The following LRRC47 variants were observed in gnomAD, a reference collection of about 807,000 sequenced individuals.
The protein encoded by LRRC47 is leucine rich repeat containing 47.
LRRC47 carries 31 observed loss-of-function variants against 40.9 expected under a neutral mutation model. The ratio of observed to expected loss-of-function variants is 0.76; its 90% CI spans 0.57 to 1.02. The LOEUF is 1.02. Among genes scored for constraint, LRRC47 ranks in the 50% least tolerant of loss-of-function variants. LRRC47 has a pLI of 0.00. For missense variants in LRRC47, 726 were observed against 796.1 expected, an observed-to-expected ratio of 0.91 and a Z score of 1.06; for synonymous variants, 427 against 371.9, an observed-to-expected ratio of 1.15 and a Z score of -1.70.
intron 2 of LRRC47, chr1:3,785,542 C>G (rs1437127812): frequency 1.3e-5 from 2 of 153,946 alleles, no homozygotes; most frequent in South Asian, 2.0e-4. Context: ...TTGTAAAGCC[C>G]TGGCTGTGAT....
At chr1:3,794,087 C>T (rs1343856139) in intron 1 of LRRC47, among the ~76,000 whole-genome samples, 1 of 151,682 alleles carries the variant, frequency 6.6e-6, no homozygotes, top group Non-Finnish European at 1.5e-5. Context: ...CCCAGCTACT[C>T]GGGAGGCTGA....
intron 1 of LRRC47, among the ~76,000 whole-genome samples, chr1:3,787,900 G>A (rs547022391): frequency 1.8e-4 from 27 of 152,230 alleles, no homozygotes; most frequent in African/African-American, 5.5e-4. Flanking sequence ...CAACGGCGAT[G>A]GGTTCTCAGC....
chr1:3,787,386 G>A (rs748066235), intron 1 of LRRC47, 76 bp from the exon 2 acceptor site: 15 of 1,399,808 alleles, frequency 1.1e-5, no homozygotes, highest in African/African-American at 1.4e-5. Flanking sequence ...GAGAGGCAGG[G>A]AGACCACTCA....
intron 1 of LRRC47, among the ~76,000 whole-genome samples, chr1:3,794,302 C>T (rs759332907): frequency 6.6e-6 from 1 of 152,182 alleles, no homozygotes; most frequent in Admixed American, 6.5e-5. Context: ...TCAGCTCTAT[C>T]CGGGTAGTGG....
At chr1:3,784,927 A>G (rs2996426) in intron 3 of LRRC47, 160 bp downstream of exon 3, 255,972 of 411,514 alleles carry the variant, frequency 0.62, 82,530 homozygotes, top group African/African-American at 0.89. Flanking sequence ...CCCAGGAGGC[A>G]GAGGCTGCAG....
chr1:3,782,760 G>A lies in LRRC47; in HGVS notation c.1314C>T (p.Tyr438=), dbSNP rs140553112. The A allele has an allele frequency of 2.9e-3, 4,532 of 1,556,248 alleles. 37 individuals are homozygous for A. Among genetic ancestry groups the A allele is most frequent in the African/African-American group, 0.024 (1,770 of 73,838 alleles). ...KRQSVSGLHR[Y]LHLLDGNENY... ...TTTCATTTCCATCCAGCAAGTGAAG[G>A]TATCTGTATGGGAAGAAATACAAAT... Residue 438 remains tyrosine, a synonymous_variant, in exon 5 of 7, where the codon TAC becomes TAT. Coordinates refer to ENST00000378251, the MANE Select transcript of LRRC47 (RefSeq NM_020710.3).
chr1:3,789,685 G>C (rs965767719), intron 1 of LRRC47, among the ~76,000 whole-genome samples: 29 of 152,272 alleles, frequency 1.9e-4, no homozygotes, highest in South Asian at 4.1e-4. Flanking sequence ...GGAGTCAGGG[G>C]ACAGGAAGGG....
At chr1:3,785,990 C>T (rs1170049352) in intron 2 of LRRC47, among the ~76,000 whole-genome samples, 1 of 151,984 alleles carries the variant, frequency 6.6e-6, no homozygotes, top group African/African-American at 2.4e-5. Flanking sequence ...CTGCCTCGGC[C>T]TCCCCAGTAG....
chr1:3,779,019 G>GT lies in LRRC47; in HGVS notation c.*2068dup, dbSNP rs1484467003. ...GACTGCCCAGAGCAGCAGGAATCAG[G>GT]TTTTGGGAGGACACAAGGCAAGGCA... On this transcript the variant is annotated 3_prime_UTR_variant, in exon 7 of 7. Transcript: ENST00000378251. 2.6e-5 allele frequency: 4 copies of GT among 152,414 alleles called. No homozygotes were observed. The highest frequency in any genetic ancestry group is 4.4e-5 in the Non-Finnish European group (3 of 68,190). 9.4% of individuals were successfully genotyped at this position (152,414 alleles called of 1,614,324 possible).
At chr1:3,784,639 C>T (rs555601345) in intron 3 of LRRC47, among the ~76,000 whole-genome samples, 4 of 152,352 alleles carry the variant, frequency 2.6e-5, no homozygotes, top group East Asian at 3.9e-4. Flanking sequence ...TTCGAGTAAC[C>T]GCAAACGCGG....
intron 2 of LRRC47, 73 bp from the exon 3 acceptor site, chr1:3,785,276 T>G: frequency 9.2e-7 from 1 of 1,090,864 alleles, no homozygotes. Context: ...CACTTCACCC[T>G]TGGCTGGGCT....
chr1:3,787,799 A>G (rs142144738), intron 1 of LRRC47, among the ~76,000 whole-genome samples: 15 of 152,258 alleles, frequency 9.9e-5, no homozygotes, highest in Admixed American at 2.0e-4. Flanking sequence ...CTCTAAGAGC[A>G]TTCTTCTTCA....
At position 3,787,199 on chromosome 1, in the gene LRRC47, C is replaced by T; in HGVS notation, c.727G>A (p.Glu243Lys). 1 of 1,613,934 alleles carries T rather than the reference C, an allele frequency of 6.2e-7. No individual in the cohort carries two copies. The highest frequency in any genetic ancestry group is 8.5e-7 in the Non-Finnish European group (1 of 1,180,048). The change falls in exon 2 of 7, where the codon GAG becomes AAG. Residue 243 changes from glutamate (E) to lysine (K), a missense_variant. Glu to Lys is a moderately conservative substitution (Grantham distance 56). Coordinates refer to ENST00000378251, the MANE Select transcript of LRRC47 (RefSeq NM_020710.3). ...GTCTGGCAGCCGCTGACCATCTTCTCCAGGCGCTTGTCCCTCAGCTTGTTC... is the reference window on the plus strand; with the variant it reads ...GTCTGGCAGCCGCTGACCATCTTCTTCAGGCGCTTGTCCCTCAGCTTGTTC... ...RGNKLRDKRL[E>K]KMVSGCQTRS... is the part of the protein sequence containing the mutation.
chr1:3,784,253 G>T, intron 3 of LRRC47, 142 bp from the exon 4 acceptor site: 1 of 683,642 alleles, frequency 1.5e-6, no homozygotes, highest in Non-Finnish European at 2.5e-6. Context: ...GCATCCCACG[G>T]GACCACGCAG....
chr1:3,781,482 G>A (rs778061221), intron 6 of LRRC47, 30 bp downstream of exon 6: 28 of 1,604,690 alleles, frequency 1.7e-5, no homozygotes, highest in South Asian at 8.8e-5. Flanking sequence ...GCTCAAAAGC[G>A]TTTCTCAGGA....
intron 1 of LRRC47, among the ~76,000 whole-genome samples, chr1:3,792,450 G>A (rs1011608792): frequency 6.9e-6 from 1 of 144,830 alleles, no homozygotes; most frequent in African/African-American, 2.6e-5. Flanking sequence ...GTGCTACAGA[G>A]AGCTGGACGC....
chr1:3,791,501 G>A (rs1312675449), intron 1 of LRRC47, among the ~76,000 whole-genome samples: 2 of 152,086 alleles, frequency 1.3e-5, no homozygotes, highest in Non-Finnish European at 2.9e-5. Context: ...TTATTGCCCA[G>A]ACTGGAGTGC....
Position 3,785,519 on chromosome 1 carries a change from G to C in LRRC47, c.1078-316C>G, listed in dbSNP as rs913647102. The C allele has an allele frequency of 3.8e-5, 6 of 156,772 alleles. No individual in the cohort carries two copies. The Admixed American group carries it at 3.9e-4, about 10-fold the overall frequency. 9.7% of individuals were successfully genotyped at this position (156,772 alleles called of 1,614,324 possible). A position where few individuals can be genotyped will look rare whatever the true frequency, so the allele number is the denominator to read the frequency against. On this transcript the variant is annotated intron_variant, in intron 2 of 6. Transcript: ENST00000378251. ...ATCTTGAACTAAAATGTAAATAAAG[G>C]CTGAGCTTTAAGTTGTAAAGCCCTG...
intron 3 of LRRC47, 56 bp downstream of exon 3, chr1:3,785,031 C>T (rs1474288955): frequency 6.8e-6 from 9 of 1,332,758 alleles, no homozygotes; most frequent in African/African-American, 1.5e-5. Flanking sequence ...AGCAGCATGG[C>T]GTCTTTCGAC....
Sources: gnomAD v4.1 joint callset for allele counts (sites outside exome capture counted in the v4.1 genomes callset) on GRCh38, gnomAD v4.1.1 for gene constraint, MANE v1.5 for transcripts, NCBI Gene and HGNC (gene_info 2026-07-23, HGNC 2026-07-21) for gene names.